Variants in GPM6A observed in about 807,000 individuals in gnomAD.
GPM6A encodes glycoprotein M6A, also known as neuronal membrane glycoprotein M6-a.
Under a neutral mutation model 32.1 loss-of-function variants are expected in GPM6A, and 7 were observed. The observed-to-expected ratio is 0.22, with a 90% CI of 0.12 to 0.41. The LOEUF (loss-of-function observed/expected upper bound fraction) is 0.41. Ranked by LOEUF, GPM6A falls within the 10% of genes least tolerant of loss-of-function variation. GPM6A has a pLI of 1.00. For missense variants in GPM6A, 235 were observed against 347.2 expected (o/e 0.68, Z 2.57); for synonymous variants, 130 against 123.4 (o/e 1.05, Z -0.35).
At chr4:175,698,422 C>T (rs376359662) in intron 2 of GPM6A, among the ~76,000 whole-genome samples, 7 of 152,242 alleles carry the variant, frequency 4.6e-5, no homozygotes, top group Middle Eastern at 3.4e-3. Flanking sequence ...GGCCTGCAAA[C>T]GAATCATTCA....
rs76951395 is a variant in GPM6A, at chr4:175,832,700, C to T, written c.-22-20451G>A. 7.8e-3 allele frequency among the ~76,000 whole-genome samples: 1,193 copies of T among 152,218 alleles called. 7 individuals are homozygous for T. Among genetic ancestry groups the T allele is most frequent in the Non-Finnish European group, 0.013 (891 of 68,006 alleles). On this transcript the variant is annotated intron_variant, in intron 1 of 7. Transcript: ENST00000280187. ...TCTTGATCTCTATTTTCTAATTCCC[C>T]CAAACCATGCAAGATTTCTATTCTA...
intron 1 of GPM6A, among the ~76,000 whole-genome samples, chr4:175,797,170 T>A (rs1734266327): frequency 6.6e-6 from 1 of 152,156 alleles, no homozygotes; most frequent in South Asian, 2.1e-4. Context: ...AATACATAAT[T>A]CAACAGCACA....
chr4:175,746,313 G>A (rs1044155107), intron 1 of GPM6A, among the ~76,000 whole-genome samples: 6 of 152,088 alleles, frequency 3.9e-5, no homozygotes, highest in African/African-American at 1.4e-4. Flanking sequence ...CTCTTGACTA[G>A]GAGTTTTGTT....
intron 1 of GPM6A, among the ~76,000 whole-genome samples, chr4:175,889,706 G>C (rs532256904): frequency 3.3e-5 from 5 of 152,052 alleles, no homozygotes; most frequent in African/African-American, 1.2e-4. Context: ...CCAGCTACTC[G>C]GGAGGCTGAG....
At chr4:175,870,673 T>G (rs1401054559) in intron 1 of GPM6A, among the ~76,000 whole-genome samples, 1 of 152,158 alleles carries the variant, frequency 6.6e-6, no homozygotes, top group Non-Finnish European at 1.5e-5. Context: ...CCACACCCTA[T>G]GTCATGGTGA....
At chr4:175,746,591 T>G (rs1732113722) in intron 1 of GPM6A, among the ~76,000 whole-genome samples, 2 of 152,144 alleles carry the variant, frequency 1.3e-5, no homozygotes, top group Admixed American at 6.6e-5. Flanking sequence ...ATCAAGCTCC[T>G]CATACCCAAA....
chr4:175,806,807 C>G (rs1734714591), intron 1 of GPM6A: 1 of 152,208 alleles, frequency 6.6e-6, no homozygotes, highest in Non-Finnish European at 1.5e-5. Context: ...GCTGTGAAAT[C>G]TTAGGAGAGA....
chr4:175,872,769 C>CATT (rs1560973647), intron 1 of GPM6A: 1 of 152,046 alleles, frequency 6.6e-6, no homozygotes, highest in Non-Finnish European at 1.5e-5. Context: ...GCATTTGAAG[C>CATT]AATAAATTAA....
intron 1 of GPM6A, among the ~76,000 whole-genome samples, chr4:175,837,993 C>T (rs768112743): frequency 6.6e-6 from 1 of 151,812 alleles, no homozygotes; most frequent in Non-Finnish European, 1.5e-5. Context: ...GGAATATCTG[C>T]AGTCAGAGAA....
intron 1 of GPM6A, among the ~76,000 whole-genome samples, chr4:175,924,332 T>A (rs1228597024): frequency 1.3e-5 from 2 of 152,142 alleles, no homozygotes; most frequent in Non-Finnish European, 1.5e-5. Flanking sequence ...CAGACCAAAG[T>A]GGCAGTGAGA....
intron 2 of GPM6A, among the ~76,000 whole-genome samples, chr4:175,683,399 G>C (rs2111013356): frequency 6.6e-6 from 1 of 152,246 alleles, no homozygotes; most frequent in South Asian, 2.1e-4. Context: ...TTGGACTTTT[G>C]AGTTAATGCT....
At chr4:175,792,935 T>G (rs559951849) in intron 1 of GPM6A, among the ~76,000 whole-genome samples, 1 of 152,230 alleles carries the variant, frequency 6.6e-6, no homozygotes, top group Middle Eastern at 3.4e-3. Flanking sequence ...TCCCAGCACT[T>G]TAGGAGGCTG....
chr4:175,886,516 A>C (rs1737461147), intron 1 of GPM6A, among the ~76,000 whole-genome samples: 1 of 152,208 alleles, frequency 6.6e-6, no homozygotes, highest in Admixed American at 6.5e-5. Flanking sequence ...TGATGAAGTC[A>C]CTGAACCAAA....
intron 1 of GPM6A, among the ~76,000 whole-genome samples, chr4:175,765,785 GCT>G (rs1732940004): frequency 6.6e-6 from 1 of 152,064 alleles, no homozygotes; most frequent in Middle Eastern, 3.4e-3. Context: ...TCACTTCCTG[GCT>G]CTCTTTTCAT....
Position 175,901,971 on chromosome 4 carries a change from C to T in GPM6A, c.-22-89722G>A, listed in dbSNP as rs1737982445. Among the ~76,000 whole-genome samples, 3 of 152,054 alleles carry T rather than the reference C, an allele frequency of 2.0e-5. No individual in the cohort carries two copies. The South Asian group carries it at 6.2e-4, about 32-fold the overall frequency. On this transcript the variant is annotated intron_variant, in intron 1 of 7. Coordinates refer to the GPM6A transcript ENST00000280187. ...TTAAATTAAAGGGTAAAATATTCCT[C>T]AACCCAATAACTCCACTTTTAGATT...
At chr4:175,993,716 T>A (rs1253824605) in intron 1 of GPM6A, among the ~76,000 whole-genome samples, 1 of 152,228 alleles carries the variant, frequency 6.6e-6, no homozygotes, top group African/African-American at 2.4e-5. Flanking sequence ...GGTTTCTTTG[T>A]CAATTATCTA....
At chr4:175,660,695 C>T (rs770389849) in intron 3 of GPM6A, among the ~76,000 whole-genome samples, 1 of 152,122 alleles carries the variant, frequency 6.6e-6, no homozygotes. Flanking sequence ...GCTAAAACTA[C>T]TCAAATTCCC....
intron 1 of GPM6A, among the ~76,000 whole-genome samples, chr4:175,946,486 T>C (rs1030079651): frequency 3.0e-4 from 45 of 152,116 alleles, no homozygotes; most frequent in African/African-American, 8.5e-4. Context: ...TTACACTATT[T>C]AGATGATGGT....
At chr4:175,840,905 G>A (rs1579558297) in intron 1 of GPM6A, among the ~76,000 whole-genome samples, 1 of 152,238 alleles carries the variant, frequency 6.6e-6, no homozygotes, top group East Asian at 1.9e-4. Context: ...TTGAGTTCCC[G>A]TTGGGCTCAA....
Sources: allele counts gnomAD v4.1 joint callset (sites outside exome capture counted in the v4.1 genomes callset), GRCh38; gene constraint gnomAD v4.1.1; transcripts MANE v1.5; gene names NCBI Gene and HGNC (gene_info 2026-07-23, HGNC 2026-07-21).